Variants in TMCO5A observed in about 807,000 individuals in gnomAD.
The protein encoded by TMCO5A is transmembrane and coiled-coil domains 5A, also known as transmembrane and coiled-coil domain-containing protein 5A.
TMCO5A carries 34 observed loss-of-function variants against 42.3 expected under a neutral mutation model. The ratio of observed to expected loss-of-function variants is 0.80; its 90% confidence interval spans 0.61 to 1.07. TMCO5A has a LOEUF of 1.07. TMCO5A is among the 50% of genes least tolerant of loss of function. The pLI is 0.00. For synonymous variants in TMCO5A, 131 were observed against 115.6 expected, an observed-to-expected ratio of 1.13 and a Z score of -0.86; for missense variants, 357 against 327.9, an observed-to-expected ratio of 1.09 and a Z score of -0.69.
At chr15:37,955,562 G>T (rs984532046), downstream of TMCO5A, among the ~76,000 whole-genome samples, 4 of 152,138 alleles carry the variant, frequency 2.6e-5, no homozygotes, top group Non-Finnish European at 4.4e-5. Flanking sequence ...AAATATATAT[G>T]CACCCAATAC....
At chr15:38,021,182 G>T in the TMCO5A span, among the ~76,000 whole-genome samples, 8 of 152,130 alleles carry the variant, frequency 5.3e-5, no homozygotes, top group African/African-American at 1.9e-4. Flanking sequence ...CCCTGACTCA[G>T]CTTTGTTTTA....
At chr15:38,010,894 T>G in the TMCO5A span, among the ~76,000 whole-genome samples, 1 of 151,994 alleles carries the variant, frequency 6.6e-6, no homozygotes. Flanking sequence ...CTGGGAGGCA[T>G]GTGCCACCAT....
intron 11 of TMCO5A, among the ~76,000 whole-genome samples, chr15:37,965,321 C>T (rs1890531365): frequency 6.6e-6 from 1 of 152,058 alleles, no homozygotes; most frequent in Non-Finnish European, 1.5e-5. Flanking sequence ...CACAAGAAAA[C>T]ATCAGAGAAA....
intron 11 of TMCO5A, among the ~76,000 whole-genome samples, chr15:37,950,571 T>A (rs986854266): frequency 3.3e-5 from 5 of 152,138 alleles, no homozygotes; most frequent in Non-Finnish European, 4.4e-5. Context: ...CTATAACAGA[T>A]GTTCGCATCA....
the TMCO5A span, among the ~76,000 whole-genome samples, chr15:38,001,265 TTTC>T: frequency 6.6e-6 from 1 of 152,114 alleles, no homozygotes; most frequent in Non-Finnish European, 1.5e-5. Flanking sequence ...ACCTTCTTTG[TTTC>T]TTCTTATAGT....
Position 37,951,337 on chromosome 15 carries a change from C to T in TMCO5A, c.*103C>T. 8.4e-7 allele frequency: 1 copy of T among 1,191,062 alleles called. No homozygotes were observed. Among genetic ancestry groups the T allele is most frequent in the Non-Finnish European group, 1.2e-6 (1 of 834,646 alleles). The allele number at this position is 1,191,062 out of a possible 1,614,324, so 73.8% of individuals were successfully genotyped here. ...GGAAAGAGATTTGCTTCAGTTTTTT[C>T]CTCACCGTTTGCCTGCTTGACTACC... On this transcript the variant is annotated 3_prime_UTR_variant, in exon 12 of 12. Transcript: ENST00000319669.
chr15:37,982,629 CATATA>C, the TMCO5A span, among the ~76,000 whole-genome samples: 80 of 93,730 alleles, frequency 8.5e-4, no homozygotes, highest in African/African-American at 2.8e-3. Context: ...TTATATCTAA[CATATA>C]ATATAGATAT....
chr15:37,985,066 A>C, the TMCO5A span, among the ~76,000 whole-genome samples: 75 of 151,946 alleles, frequency 4.9e-4, no homozygotes, highest in African/African-American at 1.6e-3. Context: ...AAAAAAAAAA[A>C]CAACAGAACA....
the TMCO5A span, among the ~76,000 whole-genome samples, chr15:38,015,696 T>A: frequency 3.0e-4 from 46 of 152,236 alleles, no homozygotes; most frequent in African/African-American, 1.1e-3. Flanking sequence ...CTATGGTACA[T>A]CCAGACAATG....
chr15:38,036,661 C>T, the TMCO5A span, among the ~76,000 whole-genome samples: 1 of 152,176 alleles, frequency 6.6e-6, no homozygotes, highest in Non-Finnish European at 1.5e-5. Flanking sequence ...CTCCCTCATA[C>T]ATACCTAAAC....
intron 6 of TMCO5A, among the ~76,000 whole-genome samples, chr15:37,939,224 G>A (rs998438679): frequency 1.3e-5 from 2 of 151,760 alleles, no homozygotes; most frequent in Admixed American, 1.3e-4. Flanking sequence ...CTGAAAATTT[G>A]GATACATAGA....
At chr15:37,935,043 C>T (rs963560065) in intron 1 of TMCO5A, among the ~76,000 whole-genome samples, 1 of 152,114 alleles carries the variant, frequency 6.6e-6, no homozygotes, top group South Asian at 2.1e-4. Flanking sequence ...AGCATTATCT[C>T]TGTATCCTGA....
downstream of TMCO5A, among the ~76,000 whole-genome samples, chr15:37,970,609 A>G (rs772949990): frequency 6.6e-6 from 1 of 152,218 alleles, no homozygotes; most frequent in Non-Finnish European, 1.5e-5. Context: ...GTCTCATTGG[A>G]GACAAGGAAA....
chr15:37,994,370 T>G, the TMCO5A span, among the ~76,000 whole-genome samples: 1 of 152,184 alleles, frequency 6.6e-6, no homozygotes, highest in East Asian at 1.9e-4. Context: ...CAGTGGCTAG[T>G]AGGAAACAAG....
chr15:37,978,922 C>G, the TMCO5A span, among the ~76,000 whole-genome samples: 4 of 151,804 alleles, frequency 2.6e-5, no homozygotes, highest in Non-Finnish European at 5.9e-5. Context: ...ATGGCAGGAG[C>G]AGGACCAAGG....
At chr15:37,936,750 C>A in intron 3 of TMCO5A, 97 bp from the exon 4 acceptor site, 2 of 1,521,142 alleles carry the variant, frequency 1.3e-6, no homozygotes, top group Non-Finnish European at 1.8e-6. Flanking sequence ...GATTCATGTA[C>A]ACTGTCCCTG....
Position 37,951,328 on chromosome 15 carries a change from C to T in TMCO5A, c.*94C>T, listed in dbSNP as rs192639946. 1.3e-4 allele frequency: 166 copies of T among 1,270,824 alleles called. 1 individual carries two copies. The East Asian group carries it at 2.6e-3, about 20-fold the overall frequency. The allele number at this position is 1,270,824 out of a possible 1,614,324, so 78.7% of individuals were successfully genotyped here. A position where few individuals can be genotyped will look rare whatever the true frequency, so the allele number is the denominator to read the frequency against. ...ACTTGTGGAGGAAAGAGATTTGCTT[C>T]AGTTTTTTCCTCACCGTTTGCCTGC... On this transcript the variant is annotated 3_prime_UTR_variant, in exon 12 of 12. Coordinates refer to ENST00000319669, the MANE Select transcript of TMCO5A (RefSeq NM_152453.4).
At chr15:37,948,143 A>G (rs1270949326) in intron 11 of TMCO5A, among the ~76,000 whole-genome samples, 4 of 152,104 alleles carry the variant, frequency 2.6e-5, no homozygotes, top group Admixed American at 1.3e-4. Context: ...AGAGCATCTA[A>G]CAGTATCCAA....
intron 11 of TMCO5A, among the ~76,000 whole-genome samples, chr15:37,961,925 T>C (rs1265748763): frequency 6.6e-6 from 1 of 152,112 alleles, no homozygotes; most frequent in Non-Finnish European, 1.5e-5. Flanking sequence ...CTATCAGTTC[T>C]AGGAGCCTTC....
Sources: allele counts gnomAD v4.1 joint callset (sites outside exome capture counted in the v4.1 genomes callset), GRCh38; gene constraint gnomAD v4.1.1; transcripts MANE v1.5; gene names NCBI Gene and HGNC (gene_info 2026-07-23, HGNC 2026-07-21).